Variants in ROBO2 observed in about 807,000 individuals in gnomAD.
ROBO2 encodes the protein roundabout guidance receptor 2, also known as roundabout homolog 2.
In ROBO2, 53 loss-of-function variants were observed where a neutral mutation model predicts 160.8. That is an observed-to-expected ratio of 0.33 (90% CI 0.26 to 0.41). The LOEUF (loss-of-function observed/expected upper bound fraction) is 0.41, where lower values mean the gene tolerates loss of function less well. ROBO2 is among the 10% of genes least tolerant of loss of function. The probability of loss-of-function intolerance (pLI) is 1.00; values close to 1 mark genes in which losing one functional copy is unlikely to be tolerated. For synonymous variants in ROBO2, 664 were observed against 611.7 expected (o/e 1.09, Z -1.26); for missense variants, 1,577 against 1,722.4 (o/e 0.92, Z 1.49).
chr3:77,498,147 A>G (rs1422137289), intron 5 of ROBO2, among the ~76,000 whole-genome samples: 4 of 152,126 alleles, frequency 2.6e-5, no homozygotes, highest in East Asian at 1.9e-4. Context: ...CATCAATCAT[A>G]TAACTTTCAG....
At chr3:77,209,225 T>G (rs968263660) in intron 2 of ROBO2, among the ~76,000 whole-genome samples, 3 of 152,204 alleles carry the variant, frequency 2.0e-5, no homozygotes, top group Admixed American at 6.5e-5. Flanking sequence ...TTTCATGATC[T>G]ATGAATCTAA....
At chr3:76,417,492 C>A (rs1205620617) in intron 2 of ROBO2, among the ~76,000 whole-genome samples, 1 of 152,106 alleles carries the variant, frequency 6.6e-6, no homozygotes, top group African/African-American at 2.4e-5. Context: ...ATCTTTTATT[C>A]TGGTCCATTA....
At chr3:77,386,253 A>G (rs797020695) in intron 2 of ROBO2, among the ~76,000 whole-genome samples, 44 of 152,338 alleles carry the variant, frequency 2.9e-4, no homozygotes, top group African/African-American at 1.1e-3. Flanking sequence ...TGTCCTGACT[A>G]GATCTGACTT....
At chr3:76,357,050 A>T (rs1307565900) in intron 2 of ROBO2, among the ~76,000 whole-genome samples, 3 of 151,902 alleles carry the variant, frequency 2.0e-5, no homozygotes, top group African/African-American at 7.2e-5. Flanking sequence ...AGAACTATTT[A>T]AAAAAAGGCA....
chr3:77,460,251 T>G (rs1269944179), intron 2 of ROBO2, among the ~76,000 whole-genome samples: 1 of 152,052 alleles, frequency 6.6e-6, no homozygotes, highest in Non-Finnish European at 1.5e-5. Flanking sequence ...TAATAATAAT[T>G]CCTTGAGCGA....
intron 2 of ROBO2, among the ~76,000 whole-genome samples, chr3:77,170,099 C>T (rs2079490510): frequency 6.6e-6 from 1 of 152,140 alleles, no homozygotes; most frequent in Admixed American, 6.5e-5. Flanking sequence ...CACCTGTCAC[C>T]TTTTAAAGAG....
intron 2 of ROBO2, among the ~76,000 whole-genome samples, chr3:76,018,113 G>A (rs916472287): frequency 2.0e-4 from 31 of 151,940 alleles, no homozygotes; most frequent in African/African-American, 7.5e-4. Context: ...AGCAAATGGG[G>A]GATAGATGGA....
chr3:76,765,924 C>A (rs1268201526), intron 2 of ROBO2, among the ~76,000 whole-genome samples: 1 of 151,666 alleles, frequency 6.6e-6, no homozygotes, highest in Non-Finnish European at 1.5e-5. Flanking sequence ...TGGAATCAAC[C>A]TAGCGTCAGG....
intron 2 of ROBO2, among the ~76,000 whole-genome samples, chr3:76,290,600 G>T (rs1346951666): frequency 6.6e-6 from 1 of 152,070 alleles, no homozygotes; most frequent in South Asian, 2.1e-4. Context: ...TCTTTTTCCA[G>T]TTCTCAAGGC....
chr3:76,598,280 G>C (rs1213444840), intron 2 of ROBO2, among the ~76,000 whole-genome samples: 1 of 151,974 alleles, frequency 6.6e-6, no homozygotes, highest in East Asian at 1.9e-4. Flanking sequence ...GGGAAGGAAG[G>C]GAAGAGGAAA....
intron 2 of ROBO2, among the ~76,000 whole-genome samples, chr3:76,022,289 T>C (rs1460091533): frequency 5.3e-5 from 8 of 151,746 alleles, no homozygotes; most frequent in Non-Finnish European, 7.4e-5. Flanking sequence ...GGACTCAACT[T>C]CTTCTAAACT....
At chr3:76,988,980 TCA>T (rs1333174171) in intron 2 of ROBO2, among the ~76,000 whole-genome samples, 1 of 152,134 alleles carries the variant, frequency 6.6e-6, no homozygotes, top group African/African-American at 2.4e-5. Context: ...ATGCTATAAA[TCA>T]CAGTTTGTAG....
chr3:77,370,574 G>A (rs763798196), intron 2 of ROBO2, among the ~76,000 whole-genome samples: 3 of 152,286 alleles, frequency 2.0e-5, no homozygotes, highest in Non-Finnish European at 2.9e-5. Context: ...TAGATCCTGT[G>A]GAAGACTGTG....
At chr3:77,407,743 G>A (rs904133913) in intron 2 of ROBO2, among the ~76,000 whole-genome samples, 1 of 152,112 alleles carries the variant, frequency 6.6e-6, no homozygotes, top group Non-Finnish European at 1.5e-5. Context: ...AATAATGCTC[G>A]TGTTTATTTT....
chr3:76,209,590 A>G (rs1030171570), intron 2 of ROBO2, among the ~76,000 whole-genome samples: 8 of 152,140 alleles, frequency 5.3e-5, no homozygotes, highest in East Asian at 3.9e-4. Flanking sequence ...TGTCTCTTCT[A>G]TGCCCCTCAG....
At chr3:76,351,670 GC>G (rs1179835978) in intron 2 of ROBO2, among the ~76,000 whole-genome samples, 8 of 151,822 alleles carry the variant, frequency 5.3e-5, no homozygotes, top group Non-Finnish European at 1.2e-4. Context: ...TTTATTGTTT[GC>G]CTTGTTCTTA....
At chr3:76,049,403 A>ATAGTTTTTTTTTTTTTT (rs1414664360) in intron 2 of ROBO2, among the ~76,000 whole-genome samples, 1 of 53,752 alleles carries the variant, frequency 1.9e-5, no homozygotes, top group African/African-American at 1.5e-4. Context: ...ATATATATAT[A>ATAGTTTTTTTTTTTTTT]TTTTTTTTTT....
intron 2 of ROBO2, among the ~76,000 whole-genome samples, chr3:76,309,353 T>C (rs1028373101): frequency 1.3e-5 from 2 of 152,244 alleles, no homozygotes; most frequent in Non-Finnish European, 2.9e-5. Context: ...AAGTTTTTCC[T>C]TCCTCACACA....
At chr3:75,960,275 A>C (rs546812723) in intron 2 of ROBO2, among the ~76,000 whole-genome samples, 1 of 151,966 alleles carries the variant, frequency 6.6e-6, no homozygotes, top group South Asian at 2.1e-4. Context: ...TACCTCAAAG[A>C]GAAAACTTAA....
Sources: gnomAD v4.1 joint callset for allele counts (sites outside exome capture counted in the v4.1 genomes callset) on GRCh38, gnomAD v4.1.1 for gene constraint, MANE v1.5 for transcripts, NCBI Gene and HGNC (gene_info 2026-07-23, HGNC 2026-07-21) for gene names.